SCP2: variants seen among roughly 807,000 people sequenced by gnomAD.
SCP2 encodes sterol carrier protein 2.
Under a neutral mutation model 71.4 loss-of-function variants are expected in SCP2, and 48 were observed. The ratio of observed to expected loss-of-function variants is 0.67; its 90% CI spans 0.53 to 0.86. The LOEUF is 0.86. Among genes scored for constraint, SCP2 ranks in the 40% least tolerant of loss-of-function variants. SCP2 has a pLI of 0.00. For missense variants in SCP2, 560 were observed against 655.6 expected, an observed-to-expected ratio of 0.85 and a Z score of 1.59; for synonymous variants, 220 against 218.1, an observed-to-expected ratio of 1.01 and a Z score of -0.08.
chr1:52,965,033 AAAC>A lies in SCP2; in HGVS notation c.523+3416_523+3418del, dbSNP rs762706193. On this transcript the variant is annotated intron_variant, in intron 6 of 15. Transcript: ENST00000371514. ...CTCAAAAACAAACAAACAAACAAAC[AAAC>A]AACAACAACAAAATTAATTTAAAAA... is the stretch of plus-strand genomic sequence containing the variant. Among the ~76,000 whole-genome samples the A allele has an allele frequency of 1.1e-3, 170 of 148,396 alleles. 2 individuals are homozygous for A. The highest frequency in any genetic ancestry group is 3.8e-3 in the African/African-American group (156 of 41,230).
intron 11 of SCP2, among the ~76,000 whole-genome samples, chr1:52,992,485 C>T (rs537336728): frequency 5.3e-5 from 8 of 152,224 alleles, no homozygotes; most frequent in African/African-American, 1.2e-4. Flanking sequence ...TTACCCTTAG[C>T]GTGGCTGTGA....
At chr1:52,961,727 A>G in intron 6 of SCP2, 98 bp downstream of exon 6, 2 of 1,047,632 alleles carry the variant, frequency 1.9e-6, no homozygotes, top group Non-Finnish European at 2.9e-6. Flanking sequence ...GGATGCCAGG[A>G]TATATAAGAT....
At chr1:53,039,297 A>C (rs1663251599) in intron 14 of SCP2, among the ~76,000 whole-genome samples, 2 of 152,244 alleles carry the variant, frequency 1.3e-5, no homozygotes, top group African/African-American at 4.8e-5. Flanking sequence ...CATGCCATTC[A>C]CATAATGTGA....
chr1:52,960,064 T>G (rs1016311379), intron 5 of SCP2, among the ~76,000 whole-genome samples: 1 of 151,842 alleles, frequency 6.6e-6, no homozygotes, highest in African/African-American at 2.4e-5. Context: ...GCTAATTTTT[T>G]TATTTTTAGT....
intron 1 of SCP2, among the ~76,000 whole-genome samples, chr1:52,931,704 T>C (rs1006683834): frequency 6.6e-6 from 1 of 152,210 alleles, no homozygotes; most frequent in African/African-American, 2.4e-5. Flanking sequence ...GCAGAGAGCT[T>C]CCTTCAGGCT....
chr1:52,982,521 T>G (rs1236545798), intron 10 of SCP2, among the ~76,000 whole-genome samples: 6 of 152,040 alleles, frequency 3.9e-5, no homozygotes, highest in African/African-American at 1.2e-4. Context: ...AGGGAGCTGA[T>G]ATCATACCAC....
intron 13 of SCP2, among the ~76,000 whole-genome samples, chr1:53,037,017 G>C (rs1481132372): frequency 1.3e-5 from 2 of 151,942 alleles, no homozygotes; most frequent in Non-Finnish European, 2.9e-5. Context: ...GTGTGCTGTA[G>C]TCCCAGCTAC....
rs758057676 is a variant in SCP2, at chr1:52,927,377, G to T, written c.-20G>T. On this transcript the variant is annotated 5_prime_UTR_variant, in exon 1 of 16. Transcript: ENST00000371514. ...GGCAGTCGTCCGCGGCGCCCGCCCC[G>T]GTCCCGCACTGGTGCAGCCATGTCC... is the stretch of plus-strand genomic sequence containing the variant. 1.3e-6 allele frequency: 2 copies of T among 1,571,432 alleles called. No homozygotes were observed. The highest frequency in any genetic ancestry group is 1.2e-5 in the South Asian group (1 of 85,558).
intron 4 of SCP2, among the ~76,000 whole-genome samples, chr1:52,953,683 C>A (rs1288845032): frequency 6.6e-6 from 1 of 151,916 alleles, no homozygotes; most frequent in Non-Finnish European, 1.5e-5. Context: ...TAAAGATTTT[C>A]TCTATAATTT....
chr1:52,994,054 G>A (rs992460264), intron 11 of SCP2: 1 of 1,150,524 alleles, frequency 8.7e-7, no homozygotes, highest in Non-Finnish European at 1.1e-6. Context: ...GTATGTAAAT[G>A]TTGTGCCCAA....
chr1:52,993,684 A>G, intron 11 of SCP2: 1 of 1,612,120 alleles, frequency 6.2e-7, no homozygotes, highest in South Asian at 1.1e-5. Context: ...GTTGGATCAT[A>G]ATCCGTTACA....
At chr1:53,017,566 A>G (rs527832662) in intron 12 of SCP2, among the ~76,000 whole-genome samples, 3 of 152,322 alleles carry the variant, frequency 2.0e-5, no homozygotes, top group African/African-American at 7.2e-5. Flanking sequence ...ATTCCATTGT[A>G]TGGAAGTGTT....
At chr1:53,045,993 C>A (rs1257690469) in intron 14 of SCP2, among the ~76,000 whole-genome samples, 2 of 152,164 alleles carry the variant, frequency 1.3e-5, no homozygotes, top group Non-Finnish European at 2.9e-5. Context: ...TTTATTCATG[C>A]TGTTGCATGG....
rs1349898403 is a variant in SCP2, at chr1:52,969,039, T to C, written c.524-5730T>C. Among the ~76,000 whole-genome samples, 4 of 151,860 alleles carry C rather than the reference T, an allele frequency of 2.6e-5. No homozygotes were observed. The East Asian group carries it at 7.7e-4, about 29-fold the overall frequency. ...ATCTTCATCCTTGTTGCTCTTCTTC[T>C]TCATCATTTTCTTGTTGAGTAGGCT... On this transcript the variant is annotated intron_variant, in intron 6 of 15. Coordinates refer to ENST00000371514, the MANE Select transcript of SCP2 (RefSeq NM_002979.5).
intron 1 of SCP2, among the ~76,000 whole-genome samples, chr1:52,932,564 C>T (rs770512393): frequency 1.3e-5 from 2 of 152,074 alleles, no homozygotes; most frequent in South Asian, 4.1e-4. Flanking sequence ...GAGAAAAGCC[C>T]CAGGGTGGCA....
chr1:52,998,974 G>A (rs945686602), intron 11 of SCP2, among the ~76,000 whole-genome samples: 3 of 152,176 alleles, frequency 2.0e-5, no homozygotes, highest in African/African-American at 7.2e-5. Context: ...AGATACCTCA[G>A]GAAATCTGCA....
chr1:52,976,773 A>T lies in SCP2; in HGVS notation c.674+4A>T. On this transcript the variant is annotated splice_donor_region_variant and intron_variant, in intron 8 of 15. Transcript: ENST00000371514. The stretch of plus-strand genomic sequence containing the variant: ...TTTTGACTATCTTACAATGTTGGTA[A>T]GAAAAATATATTTTAACATTTAATG... The T allele has an allele frequency of 1.5e-6, 2 of 1,341,032 alleles. No homozygotes were observed. The highest frequency in any genetic ancestry group is 2.1e-6 in the Non-Finnish European group (2 of 931,520). 83.1% of individuals were successfully genotyped at this position (1,341,032 alleles called of 1,614,324 possible).
intron 2 of SCP2, chr1:52,943,481 C>G: frequency 5.2e-6 from 1 of 190,612 alleles, no homozygotes; most frequent in Non-Finnish European, 1.1e-5. Flanking sequence ...CTCGGCCTCC[C>G]AAAGTGCTGG....
intron 10 of SCP2, 148 bp from the exon 11 acceptor site, chr1:52,987,881 A>G (rs1200976581): frequency 1.8e-5 from 11 of 625,382 alleles, no homozygotes; most frequent in Non-Finnish European, 3.2e-5. Context: ...ATTACTTTTA[A>G]AAGTGCTTAT....
Sources: allele counts gnomAD v4.1 joint callset (sites outside exome capture counted in the v4.1 genomes callset), GRCh38; gene constraint gnomAD v4.1.1; transcripts MANE v1.5; gene names NCBI Gene and HGNC (gene_info 2026-07-23, HGNC 2026-07-21).